The following TTBK2 variants were observed in gnomAD, a reference collection of about 807,000 sequenced individuals.
TTBK2 encodes tau-tubulin kinase 2.
TTBK2 carries 28 observed loss-of-function variants against 110.8 expected under a neutral mutation model. That is an observed-to-expected ratio of 0.25 (90% CI 0.19 to 0.35). The LOEUF is 0.35. Ranked by LOEUF, TTBK2 falls within the 10% of genes least tolerant of loss-of-function variation. The pLI is 1.00. For synonymous variants in TTBK2, 532 were observed against 527.3 expected, an observed-to-expected ratio of 1.01 and a Z score of -0.12; for missense variants, 1,369 against 1,500.3, an observed-to-expected ratio of 0.91 and a Z score of 1.45.
intron 2 of TTBK2, among the ~76,000 whole-genome samples, chr15:42,875,731 A>C (rs537955299): frequency 1.3e-4 from 20 of 151,914 alleles, no homozygotes; most frequent in African/African-American, 4.8e-4. Flanking sequence ...ACATGGCAAA[A>C]CCCCGTCTCT....
At chr15:42,760,573 TTTTA>T (rs997290992) in intron 13 of TTBK2, among the ~76,000 whole-genome samples, 7 of 152,126 alleles carry the variant, frequency 4.6e-5, no homozygotes, top group African/African-American at 1.7e-4. Flanking sequence ...ATTTTCTGTA[TTTTA>T]TTTGTTTGCT....
rs2061893462 is a variant in TTBK2 at position 42,753,128 on chromosome 15, A to G, written c.2118T>C (p.Ser706=). Residue 706 remains serine, a synonymous_variant, in exon 14 of 15, where the codon TCT becomes TCC. Transcript: ENST00000267890. The part of the protein sequence containing the change: ...QPMEPTVELY[S]PRENFSGLVV... Reference sequence around the variant, plus strand: ...CCAAGCCAGAGAAGTTTTCCCTTGGAGAGTAAAGTTCCACAGTGGGCTCCA... The same window carrying G: ...CCAAGCCAGAGAAGTTTTCCCTTGGGGAGTAAAGTTCCACAGTGGGCTCCA... The G allele has an allele frequency of 6.3e-7, 1 of 1,597,958 alleles. No individual in the cohort carries two copies. The highest frequency in any genetic ancestry group is 1.4e-5 in the African/African-American group (1 of 73,892).
At chr15:42,862,653 C>T (rs1417546689) in intron 3 of TTBK2, among the ~76,000 whole-genome samples, 3 of 152,156 alleles carry the variant, frequency 2.0e-5, no homozygotes, top group Non-Finnish European at 2.9e-5. Context: ...CTTTGGGAGG[C>T]GGAAGCAGGC....
At chr15:42,754,394 A>T (rs2140612189) in intron 13 of TTBK2, among the ~76,000 whole-genome samples, 1 of 150,634 alleles carries the variant, frequency 6.6e-6, no homozygotes, top group Non-Finnish European at 1.5e-5. Flanking sequence ...TTTTTATTTT[A>T]TTTTATTTTA....
intron 13 of TTBK2, among the ~76,000 whole-genome samples, chr15:42,763,120 A>G (rs1206568843): frequency 4.6e-5 from 5 of 108,662 alleles, no homozygotes; most frequent in African/African-American, 2.4e-4. Context: ...ATATATATAC[A>G]CATATATATA....
In TTBK2 at chr15:42,738,958, C is replaced by G. The variant is rs1210890525; in HGVS notation, c.*6837G>C. 2.0e-5 allele frequency: 3 copies of G among 152,102 alleles called. No homozygotes were observed. The highest frequency in any genetic ancestry group is 4.4e-5 in the Non-Finnish European group (3 of 68,020). The allele number at this position is 152,102 out of a possible 1,614,324, so 9.4% of individuals were successfully genotyped here. On this transcript the variant is annotated 3_prime_UTR_variant, in exon 15 of 15. Coordinates refer to ENST00000267890, the MANE Select transcript of TTBK2 (RefSeq NM_173500.4). ...TCCACTTTTGAAATCCAGACCATCA[C>G]ACAAACAGAACTAGATTTTGCATGC...
chr15:42,759,082 A>G (rs2061986770), intron 13 of TTBK2, among the ~76,000 whole-genome samples: 1 of 152,146 alleles, frequency 6.6e-6, no homozygotes, highest in African/African-American at 2.4e-5. Flanking sequence ...CATTCCCTCA[A>G]GCTCACACAG....
chr15:42,786,999 A>G (rs1009754183), intron 10 of TTBK2, among the ~76,000 whole-genome samples: 1 of 152,258 alleles, frequency 6.6e-6, no homozygotes, highest in African/African-American at 2.4e-5. Flanking sequence ...TAAGGGAATA[A>G]GTAAGAAAAT....
chr15:42,843,399 C>T (rs1179084120), intron 3 of TTBK2, among the ~76,000 whole-genome samples: 1 of 152,158 alleles, frequency 6.6e-6, no homozygotes, highest in African/African-American at 2.4e-5. Flanking sequence ...AATAACTAGT[C>T]ATTGTTTCCT....
chr15:42,904,635 A>G (rs746967929), intron 1 of TTBK2, among the ~76,000 whole-genome samples: 16 of 152,204 alleles, frequency 1.1e-4, no homozygotes, highest in Non-Finnish European at 1.9e-4. Context: ...TAAATGTAGA[A>G]TAACATGTGG....
chr15:42,788,535 C>G (rs1025510134), intron 10 of TTBK2, among the ~76,000 whole-genome samples: 1 of 152,128 alleles, frequency 6.6e-6, no homozygotes, highest in African/African-American at 2.4e-5. Context: ...CTTGAATATC[C>G]TGCAGTTGTT....
At position 42,775,225 on chromosome 15, in the gene TTBK2, C is replaced by T. The variant is rs1213959352; in HGVS notation, c.1908G>A (p.Arg636=). 7 of 1,614,088 alleles carry T rather than the reference C, an allele frequency of 4.3e-6. No individual in the cohort carries two copies. The African/African-American group carries it at 9.3e-5, about 22-fold the overall frequency. ...TAGCAGCTCCAGGCTGGAGTTCCAG[C>T]CTATCTGTATATTGTTCTGAAGCAG... The part of the protein sequence containing the change: ...PTAASEQYTD[R]LELQPGAASQ... Residue 636 remains arginine, a synonymous_variant, in exon 13 of 15, where the codon AGG becomes AGA. Coordinates refer to ENST00000267890, the MANE Select transcript of TTBK2 (RefSeq NM_173500.4).
intron 3 of TTBK2, among the ~76,000 whole-genome samples, chr15:42,868,439 G>A (rs925160699): frequency 6.6e-6 from 1 of 152,118 alleles, no homozygotes; most frequent in Non-Finnish European, 1.5e-5. Context: ...GGGAGTACAT[G>A]CATGTGTGAG....
At chr15:42,908,024 TG>T (rs2030516485) in intron 1 of TTBK2, among the ~76,000 whole-genome samples, 1 of 152,086 alleles carries the variant, frequency 6.6e-6, no homozygotes, top group South Asian at 2.1e-4. Flanking sequence ...AGGCAGAAGT[TG>T]TGGTGAGCCA....
chr15:42,911,889 A>T (rs1596052468), intron 1 of TTBK2, among the ~76,000 whole-genome samples: 1 of 152,158 alleles, frequency 6.6e-6, no homozygotes, highest in African/African-American at 2.4e-5. Context: ...TGGCTTCTCC[A>T]GGCCACAGTG....
intron 4 of TTBK2, among the ~76,000 whole-genome samples, chr15:42,830,781 G>A (rs188996230): frequency 2.4e-4 from 37 of 152,068 alleles, no homozygotes; most frequent in African/African-American, 8.2e-4. Flanking sequence ...TGAGGTGGGC[G>A]GATCATGAGG....
intron 11 of TTBK2, among the ~76,000 whole-genome samples, chr15:42,781,366 C>T (rs1890171009): frequency 6.6e-6 from 1 of 152,090 alleles, no homozygotes; most frequent in Non-Finnish European, 1.5e-5. Flanking sequence ...ATACAACACA[C>T]CAAAACTTTT....
chr15:42,834,393 C>G (rs1303897900), intron 4 of TTBK2, among the ~76,000 whole-genome samples: 1 of 152,136 alleles, frequency 6.6e-6, no homozygotes, highest in Non-Finnish European at 1.5e-5. Context: ...ACACCCACAT[C>G]ATCTAGAATT....
chr15:42,912,065 C>T (rs549352523), intron 1 of TTBK2, among the ~76,000 whole-genome samples: 1 of 152,098 alleles, frequency 6.6e-6, no homozygotes, highest in Non-Finnish European at 1.5e-5. Flanking sequence ...GGGCCACGTG[C>T]GGCCCATGGG....
Sources: allele counts gnomAD v4.1 joint callset (sites outside exome capture counted in the v4.1 genomes callset), GRCh38; gene constraint gnomAD v4.1.1; transcripts MANE v1.5; gene names NCBI Gene and HGNC (gene_info 2026-07-23, HGNC 2026-07-21).